The following MTX2 variants were observed in gnomAD, a reference collection of about 807,000 sequenced individuals.
The protein encoded by MTX2 is metaxin-2.
MTX2 carries 35 observed loss-of-function variants against 42.3 expected under a neutral mutation model. The ratio of observed to expected loss-of-function variants is 0.83; its 90% confidence interval spans 0.63 to 1.10. MTX2 has a LOEUF of 1.10. Among genes scored for constraint, MTX2 ranks in the 50% least tolerant of loss-of-function variants. The pLI is 0.00. For synonymous variants in MTX2, 119 were observed against 100.9 expected (o/e 1.18, Z -1.08); for missense variants, 307 against 304.1 (o/e 1.01, Z -0.07).
At chr2:176,275,318 A>G (rs546529496) in intron 1 of MTX2, among the ~76,000 whole-genome samples, 2 of 151,862 alleles carry the variant, frequency 1.3e-5, no homozygotes, top group African/African-American at 4.8e-5. Context: ...GGCTCACTGC[A>G]ACCTCCACCT....
chr2:176,308,533 G>A (rs1387711562), intron 3 of MTX2, among the ~76,000 whole-genome samples: 1 of 151,918 alleles, frequency 6.6e-6, no homozygotes, highest in African/African-American at 2.4e-5. Context: ...GACGTTTTTT[G>A]GTTGGTACGC....
At chr2:176,322,819 A>G (rs1257363213) in intron 3 of MTX2, among the ~76,000 whole-genome samples, 1 of 151,974 alleles carries the variant, frequency 6.6e-6, no homozygotes, top group Non-Finnish European at 1.5e-5. Context: ...TTATTATTAG[A>G]CATTTAAATT....
intron 3 of MTX2, among the ~76,000 whole-genome samples, chr2:176,312,777 C>G (rs1684345681): frequency 6.8e-6 from 1 of 146,744 alleles, no homozygotes; most frequent in Admixed American, 6.9e-5. Context: ...GTGAGAGAAT[C>G]ACTTGAATCT....
At chr2:176,310,996 T>G (rs1684290464) in intron 3 of MTX2, among the ~76,000 whole-genome samples, 1 of 152,232 alleles carries the variant, frequency 6.6e-6, no homozygotes, top group Non-Finnish European at 1.5e-5. Flanking sequence ...TTTAGAATTT[T>G]TAGCTTTTCT....
rs74730859 is a variant in MTX2 at position 176,277,977 on chromosome 2, T to C, written c.40+8308T>C. 3.2e-3 allele frequency among the ~76,000 whole-genome samples: 483 copies of C among 151,702 alleles called. 6 individuals carry two copies. The East Asian group carries it at 0.036, about 11-fold the overall frequency. ...TATACTTCAGACTAGAGGCAAGATA[T>C]AGTTTATTGACAGCAGTGGATCCTG... On this transcript the variant is annotated intron_variant, in intron 1 of 9. Coordinates refer to ENST00000249442, the MANE Select transcript of MTX2 (RefSeq NM_006554.5).
chr2:176,332,440 T>G (rs1171123359), intron 9 of MTX2, among the ~76,000 whole-genome samples: 1 of 151,254 alleles, frequency 6.6e-6, no homozygotes, highest in Non-Finnish European at 1.5e-5. Context: ...CTGACATATC[T>G]CTAAGTTACT....
At chr2:176,316,748 C>T (rs965078603) in intron 3 of MTX2, among the ~76,000 whole-genome samples, 2 of 152,014 alleles carry the variant, frequency 1.3e-5, no homozygotes, top group South Asian at 2.1e-4. Context: ...TTGATGGATG[C>T]GTCACAATTT....
At chr2:176,286,121 G>A (rs1693194429) in intron 1 of MTX2, among the ~76,000 whole-genome samples, 1 of 152,150 alleles carries the variant, frequency 6.6e-6, no homozygotes, top group African/African-American at 2.4e-5. Flanking sequence ...GACTAATGAT[G>A]CTGAGTATCT....
chr2:176,328,885 G>A lies in MTX2; in HGVS notation c.390G>A (p.Gln130=), dbSNP rs1379048456. 6.2e-7 allele frequency: 1 copy of A among 1,607,464 alleles called. No homozygotes were observed. The highest frequency in any genetic ancestry group is 8.5e-7 in the Non-Finnish European group (1 of 1,175,576). The change falls in exon 7 of 10, where the codon CAG becomes CAA. Residue 130 remains glutamine (Q), a synonymous_variant. Transcript: ENST00000249442. ...TCTTTTGTTCCTAGCTGTATCTTCAGTGGTGTGATGAAGCTACAGTAGGGG... is the reference window on the plus strand; with the variant it reads ...TCTTTTGTTCCTAGCTGTATCTTCAATGGTGTGATGAAGCTACAGTAGGGG... ...NMLLTAELYL[Q]WCDEATVGEI...
intron 1 of MTX2, among the ~76,000 whole-genome samples, chr2:176,285,736 A>G (rs982043255): frequency 6.6e-6 from 1 of 152,126 alleles, no homozygotes; most frequent in African/African-American, 2.4e-5. Context: ...TTATTGCCAA[A>G]TAGTATTCCA....
chr2:176,329,248 C>A (rs115757881), intron 7 of MTX2, 53 bp from the exon 8 acceptor site: 1 of 1,516,542 alleles, frequency 6.6e-7, no homozygotes, highest in East Asian at 2.4e-5. Flanking sequence ...TTTGTAAAAA[C>A]GGGCATTGTT....
chr2:176,294,180 T>C (rs2105410683), intron 1 of MTX2, among the ~76,000 whole-genome samples: 1 of 152,314 alleles, frequency 6.6e-6, no homozygotes, highest in African/African-American at 2.4e-5. Flanking sequence ...TTCTTTAGTC[T>C]TATTTGCAGT....
chr2:176,304,994 T>C (rs1278176358), intron 3 of MTX2, among the ~76,000 whole-genome samples: 1 of 152,078 alleles, frequency 6.6e-6, no homozygotes, highest in Non-Finnish European at 1.5e-5. Flanking sequence ...AAGCATCTAA[T>C]CTTTAAAAAC....
intron 1 of MTX2, among the ~76,000 whole-genome samples, chr2:176,293,058 T>C (rs1253120328): frequency 1.3e-5 from 2 of 152,218 alleles, no homozygotes; most frequent in African/African-American, 4.8e-5. Context: ...AATACGAGTT[T>C]AATTTTGTGT....
chr2:176,329,253 A>T, intron 7 of MTX2, 48 bp from the exon 8 acceptor site: 1 of 1,539,310 alleles, frequency 6.5e-7, no homozygotes, highest in Non-Finnish European at 8.8e-7. Flanking sequence ...AAAAACGGGC[A>T]TTGTTTTTAG....
intron 9 of MTX2, among the ~76,000 whole-genome samples, chr2:176,331,952 CTCATTG>C (rs1243785423): frequency 6.6e-6 from 1 of 151,194 alleles, no homozygotes; most frequent in Non-Finnish European, 1.5e-5. Context: ...CTCAGTTAAA[CTCATTG>C]TCATTGTGTT....
chr2:176,294,307 CAG>C lies in MTX2; in HGVS notation c.41-2550_41-2549del, dbSNP rs760380745. On this transcript the variant is annotated intron_variant, in intron 1 of 9. Coordinates refer to ENST00000249442, the MANE Select transcript of MTX2 (RefSeq NM_006554.5). ...TTTTTTTTTTTTTTTTTTCCTAAGA[CAG>C]AGTCTCCCTCTGTCACCCAGGCTGG... 2.5e-4 allele frequency among the ~76,000 whole-genome samples: 31 copies of C among 122,642 alleles called. 2 individuals carry two copies. The highest frequency in any genetic ancestry group is 1.9e-3 in the Admixed American group (20 of 10,404). 80.5% of individuals were successfully genotyped at this position (122,642 alleles called of 152,430 possible).
intron 7 of MTX2, 138 bp downstream of exon 7, chr2:176,329,050 T>C: frequency 1.1e-6 from 1 of 896,598 alleles, no homozygotes; most frequent in South Asian, 1.9e-5. Context: ...ACTTTAATTT[T>C]GCTTGCACAT....
intron 1 of MTX2, among the ~76,000 whole-genome samples, chr2:176,273,478 T>C (rs1692872268): frequency 6.6e-6 from 1 of 152,212 alleles, no homozygotes; most frequent in Non-Finnish European, 1.5e-5. Context: ...TAATTTTTAG[T>C]GTATCCAACA....
Sources: gnomAD v4.1 joint callset for allele counts (sites outside exome capture counted in the v4.1 genomes callset) on GRCh38, gnomAD v4.1.1 for gene constraint, MANE v1.5 for transcripts, NCBI Gene and HGNC (gene_info 2026-07-23, HGNC 2026-07-21) for gene names.